CORO1C: variants seen among roughly 807,000 people sequenced by gnomAD.
The protein encoded by CORO1C is coronin-1C.
In CORO1C, 14 loss-of-function variants were observed where a neutral mutation model predicts 51.2. That is an observed-to-expected ratio of 0.27 (90% CI 0.18 to 0.43). The LOEUF (loss-of-function observed/expected upper bound fraction) is 0.43. Ranked by LOEUF, CORO1C falls within the 20% of genes least tolerant of loss-of-function variation. The pLI, the probability that CORO1C is intolerant of heterozygous loss-of-function variation, is 1.00. For synonymous variants in CORO1C, 181 were observed against 210.5 expected (o/e 0.86, Z 1.21); for missense variants, 417 against 607.8 (o/e 0.69, Z 3.30).
chr12:108,687,143 A>C (rs1275104728), intron 2 of CORO1C, among the ~76,000 whole-genome samples: 1 of 152,208 alleles, frequency 6.6e-6, no homozygotes, highest in Non-Finnish European at 1.5e-5. Context: ...ATTTCCTCCA[A>C]TGGGCATTTT....
intron 3 of CORO1C, among the ~76,000 whole-genome samples, chr12:108,665,604 A>C (rs1306957448): frequency 1.3e-5 from 2 of 152,198 alleles, no homozygotes; most frequent in African/African-American, 4.8e-5. Context: ...GTCTGGTTCA[A>C]ATCCTGCCTG....
At chr12:108,713,608 GGA>G (rs2035245263) in intron 1 of CORO1C, among the ~76,000 whole-genome samples, 1 of 152,214 alleles carries the variant, frequency 6.6e-6, no homozygotes, top group Non-Finnish European at 1.5e-5. Context: ...AGCTAGGCCT[GGA>G]GAGAGTTCCA....
chr12:108,726,309 C>T (rs1003277875), intron 1 of CORO1C, among the ~76,000 whole-genome samples: 1 of 150,244 alleles, frequency 6.7e-6, no homozygotes, highest in African/African-American at 2.4e-5. Context: ...GTCCCAGCTA[C>T]TTGGGAGGCT....
intron 1 of CORO1C, among the ~76,000 whole-genome samples, chr12:108,706,565 T>A (rs1174157287): frequency 6.6e-6 from 1 of 152,210 alleles, no homozygotes; most frequent in African/African-American, 2.4e-5. Context: ...GTAAGTTCAG[T>A]AAGGTTGCAG....
At chr12:108,686,688 T>C (rs2034306974) in intron 2 of CORO1C, among the ~76,000 whole-genome samples, 2 of 152,202 alleles carry the variant, frequency 1.3e-5, no homozygotes, top group Non-Finnish European at 2.9e-5. Flanking sequence ...ATGATTGGGA[T>C]TACTAGCATG....
intron 1 of CORO1C, among the ~76,000 whole-genome samples, chr12:108,704,041 G>A (rs917851623): frequency 2.6e-5 from 4 of 152,138 alleles, no homozygotes; most frequent in South Asian, 2.1e-4. Flanking sequence ...AAAGAGAGAC[G>A]ATTTTTCCTC....
At chr12:108,664,386 TC>T (rs1399166283) in intron 3 of CORO1C, among the ~76,000 whole-genome samples, 2 of 152,202 alleles carry the variant, frequency 1.3e-5, no homozygotes, top group East Asian at 3.8e-4. Context: ...AGTTCTACTG[TC>T]CTGCAAAAAA....
chr12:108,727,557 T>C (rs1290398059), intron 1 of CORO1C, among the ~76,000 whole-genome samples: 1 of 152,192 alleles, frequency 6.6e-6, no homozygotes, highest in Non-Finnish European at 1.5e-5. Context: ...CACCAGAGGA[T>C]TTGAACAGGT....
chr12:108,699,726 C>T (rs1044696883), intron 2 of CORO1C, among the ~76,000 whole-genome samples: 2 of 152,156 alleles, frequency 1.3e-5, no homozygotes, highest in African/African-American at 4.8e-5. Flanking sequence ...GTGTAGTGTA[C>T]TTATCTGCCA....
At chr12:108,689,604 T>G (rs1422431052) in intron 2 of CORO1C, among the ~76,000 whole-genome samples, 1 of 152,158 alleles carries the variant, frequency 6.6e-6, no homozygotes, top group Non-Finnish European at 1.5e-5. Flanking sequence ...ATGCCTATTA[T>G]CCAGACTGGT....
chr12:108,661,963 C>T (rs2033280349), intron 4 of CORO1C, 66 bp downstream of exon 4: 2 of 1,585,642 alleles, frequency 1.3e-6, no homozygotes, highest in Non-Finnish European at 8.7e-7. Context: ...AACACATTTG[C>T]TTCCCCCCAC....
chr12:108,669,620 C>T (rs2136822355), intron 3 of CORO1C, among the ~76,000 whole-genome samples: 1 of 132,448 alleles, frequency 7.6e-6, no homozygotes, highest in Non-Finnish European at 1.5e-5. Context: ...ATTTGTAGCT[C>T]ATGAGCTACT....
chr12:108,689,623 C>A (rs1330637059), intron 2 of CORO1C, among the ~76,000 whole-genome samples: 1 of 152,202 alleles, frequency 6.6e-6, no homozygotes, highest in Non-Finnish European at 1.5e-5. Flanking sequence ...GTTACACCAC[C>A]CGAAGATGTA....
At chr12:108,729,277 A>G (rs758363198) in intron 1 of CORO1C, among the ~76,000 whole-genome samples, 71 of 152,218 alleles carry the variant, frequency 4.7e-4, no homozygotes, top group Non-Finnish European at 7.5e-4. Flanking sequence ...CTGACACCGA[A>G]TCTAATCCTA....
intron 1 of CORO1C, among the ~76,000 whole-genome samples, chr12:108,726,191 G>A (rs2035585512): frequency 6.6e-6 from 1 of 152,118 alleles, no homozygotes; most frequent in African/African-American, 2.4e-5. Flanking sequence ...GCCGAGGCGG[G>A]CGGATTATGA....
rs377730492 is a variant in CORO1C at position 108,674,819 on chromosome 12, CTT to C, written c.318+3451_318+3452del. 1.8e-4 allele frequency among the ~76,000 whole-genome samples: 27 copies of C among 152,290 alleles called. No homozygotes were observed. In the East Asian group the frequency reaches 3.3e-3, roughly 19 times the overall value. ...TATGGATAAGCAAAGAAAATGGTCT[CTT>C]GAGATGGAATGTACTCCTGGTAACG... On this transcript the variant is annotated intron_variant, in intron 3 of 10. Coordinates refer to ENST00000261401, the MANE Select transcript of CORO1C (RefSeq NM_014325.4).
chr12:108,659,520 A>G (rs1490447754), intron 4 of CORO1C, among the ~76,000 whole-genome samples: 1 of 152,244 alleles, frequency 6.6e-6, no homozygotes, highest in Non-Finnish European at 1.5e-5. Context: ...TTTCCGAAAG[A>G]TATTTCTGTG....
intron 6 of CORO1C, 43 bp from the exon 7 acceptor site, chr12:108,654,453 A>T (rs1198822634): frequency 9.0e-7 from 1 of 1,110,546 alleles, no homozygotes; most frequent in Non-Finnish European, 1.3e-6. Flanking sequence ...GTATGTATAC[A>T]TTTTTTTAAA....
At chr12:108,661,967 C>A (rs533125274) in intron 4 of CORO1C, 62 bp downstream of exon 4, 8 of 1,595,816 alleles carry the variant, frequency 5.0e-6, no homozygotes, top group Non-Finnish European at 6.9e-6. Context: ...CATTTGCTTC[C>A]CCCCACTCAG....
Sources: gnomAD v4.1 joint callset for allele counts (sites outside exome capture counted in the v4.1 genomes callset) on GRCh38, gnomAD v4.1.1 for gene constraint, MANE v1.5 for transcripts, NCBI Gene and HGNC (gene_info 2026-07-23, HGNC 2026-07-21) for gene names.